MCUB: variants seen among roughly 807,000 people sequenced by gnomAD.
The protein encoded by MCUB is calcium uniporter regulatory subunit MCUb, mitochondrial.
A neutral mutation model predicts 41.4 loss-of-function variants in MCUB; 46 were observed. The ratio of observed to expected loss-of-function variants is 1.11; its 90% CI spans 0.88 to 1.42. The LOEUF is 1.42. Among genes scored for constraint, MCUB ranks in the 40% most tolerant of loss-of-function variants. The pLI is 0.00. For missense variants in MCUB, 403 were observed against 404.9 expected (o/e 1.00, Z 0.04); for synonymous variants, 148 against 148.2 (o/e 1.00, Z 0.01).
At chr4:109,570,848 T>C (rs944777932) in intron 1 of MCUB, among the ~76,000 whole-genome samples, 1 of 152,178 alleles carries the variant, frequency 6.6e-6, no homozygotes, top group Admixed American at 6.5e-5. Context: ...ACAGGAGGAA[T>C]GTAAAGATGT....
At chr4:109,660,835 A>G (rs1328351567) in intron 3 of MCUB, among the ~76,000 whole-genome samples, 5 of 152,194 alleles carry the variant, frequency 3.3e-5, no homozygotes, top group African/African-American at 1.2e-4. Context: ...AAAATTAAAA[A>G]AAAAAAAAAT....
chr4:109,577,931 C>T (rs1474085087), intron 1 of MCUB, among the ~76,000 whole-genome samples: 6 of 151,970 alleles, frequency 3.9e-5, no homozygotes, highest in Non-Finnish European at 8.8e-5. Context: ...TTCTTTAAGA[C>T]CTATGAGATT....
chr4:109,570,179 A>T (rs899265370), intron 1 of MCUB, among the ~76,000 whole-genome samples: 1 of 152,072 alleles, frequency 6.6e-6, no homozygotes, highest in Non-Finnish European at 1.5e-5. Context: ...CTCATTTGGT[A>T]CTTCTGTACT....
intron 1 of MCUB, among the ~76,000 whole-genome samples, chr4:109,587,352 G>C (rs1727333211): frequency 6.6e-6 from 1 of 152,174 alleles, no homozygotes; most frequent in African/African-American, 2.4e-5. Flanking sequence ...CGTTTTTCTG[G>C]GTACCGTCTG....
intron 1 of MCUB, among the ~76,000 whole-genome samples, chr4:109,596,398 G>A (rs1727555668): frequency 7.0e-6 from 1 of 142,458 alleles, no homozygotes; most frequent in South Asian, 2.5e-4. Flanking sequence ...AGAGGAGGCA[G>A]CAAGGTCCAA....
intron 4 of MCUB, chr4:109,674,274 A>T: frequency 7.8e-6 from 5 of 642,148 alleles, no homozygotes; most frequent in Non-Finnish European, 1.4e-5. Flanking sequence ...TGCAGGCTTG[A>T]TTTGCCTGGT....
At chr4:109,664,419 TTAC>T in intron 4 of MCUB, 25 bp downstream of exon 4, 2 of 859,492 alleles carry the variant, frequency 2.3e-6, no homozygotes, top group Non-Finnish European at 3.5e-6. Context: ...TATCCAACTA[TTAC>T]TTTTTTTTTT....
chr4:109,650,917 T>A (rs1728946998), intron 1 of MCUB, among the ~76,000 whole-genome samples: 1 of 152,190 alleles, frequency 6.6e-6, no homozygotes. Flanking sequence ...TTCCTTGTGA[T>A]TTGCTTCAGA....
chr4:109,622,851 C>T (rs561064626), intron 1 of MCUB, among the ~76,000 whole-genome samples: 3 of 152,266 alleles, frequency 2.0e-5, no homozygotes, highest in African/African-American at 4.8e-5. Flanking sequence ...TACTCTGTCT[C>T]GATGTGGGGC....
intron 1 of MCUB, among the ~76,000 whole-genome samples, chr4:109,622,505 T>C (rs1728269103): frequency 6.6e-6 from 1 of 152,228 alleles, no homozygotes; most frequent in African/African-American, 2.4e-5. Context: ...ATCTGGAACT[T>C]TAGATTTTGA....
chr4:109,560,581 G>A (rs1355247008), intron 1 of MCUB, 145 bp downstream of exon 1: 4 of 426,364 alleles, frequency 9.4e-6, no homozygotes, highest in Admixed American at 4.5e-5. Context: ...GGGCGGTCCC[G>A]ACAGGTGGTG....
intron 5 of MCUB, chr4:109,682,975 T>C: frequency 2.5e-6 from 1 of 398,052 alleles, no homozygotes. Context: ...TCACGTGGCC[T>C]GTGTTCAGAG....
At chr4:109,662,021 A>T (rs1729241699) in intron 3 of MCUB, among the ~76,000 whole-genome samples, 1 of 152,140 alleles carries the variant, frequency 6.6e-6, no homozygotes, top group Non-Finnish European at 1.5e-5. Flanking sequence ...TGATAGAGTG[A>T]GACTGCATTG....
At chr4:109,635,313 T>A (rs1039322222) in intron 1 of MCUB, among the ~76,000 whole-genome samples, 15 of 152,190 alleles carry the variant, frequency 9.9e-5, no homozygotes, top group Admixed American at 9.8e-4. Flanking sequence ...TTTGGGTATA[T>A]ACCCAGCACT....
At chr4:109,586,759 T>A (rs564343418) in intron 1 of MCUB, among the ~76,000 whole-genome samples, 2 of 152,368 alleles carry the variant, frequency 1.3e-5, no homozygotes, top group South Asian at 4.1e-4. Context: ...CTCCAGACCC[T>A]GTTTGCCTGG....
intron 1 of MCUB, among the ~76,000 whole-genome samples, chr4:109,585,283 C>T (rs1561217265): frequency 1.3e-5 from 2 of 151,814 alleles, no homozygotes; most frequent in Non-Finnish European, 2.9e-5. Flanking sequence ...TACTTTTTTC[C>T]TGCTTTCCAT....
At chr4:109,565,188 A>G (rs1223175680) in intron 1 of MCUB, among the ~76,000 whole-genome samples, 1 of 152,260 alleles carries the variant, frequency 6.6e-6, no homozygotes, top group Admixed American at 6.5e-5. Flanking sequence ...AGAGAAGATG[A>G]AACTATGAGT....
intron 7 of MCUB, among the ~76,000 whole-genome samples, chr4:109,686,447 T>C (rs1367319477): frequency 6.6e-6 from 1 of 152,204 alleles, no homozygotes; most frequent in African/African-American, 2.4e-5. Flanking sequence ...CCAAGCCTTT[T>C]TAAAAAATGT....
chr4:109,597,178 C>T lies in MCUB; in HGVS notation c.99+36742C>T, dbSNP rs1727577862. Among the ~76,000 whole-genome samples the T allele has an allele frequency of 2.6e-5, 4 of 152,220 alleles. No individual in the cohort carries two copies. In the South Asian group the frequency reaches 8.3e-4, roughly 32 times the overall value. On this transcript the variant is annotated intron_variant, in intron 1 of 7. Coordinates refer to ENST00000394650, the MANE Select transcript of MCUB (RefSeq NM_017918.5). ...CCATCCGATTTCTCAATCTTTTCCC[C>T]ACCTTTCCCCCCTTTCTATTCCACA... is the stretch of plus-strand genomic sequence containing the variant.
Sources: allele counts gnomAD v4.1 joint callset (sites outside exome capture counted in the v4.1 genomes callset), GRCh38; gene constraint gnomAD v4.1.1; transcripts MANE v1.5; gene names NCBI Gene and HGNC (gene_info 2026-07-23, HGNC 2026-07-21).